The following SAMMSON variants were observed in gnomAD, a reference collection of about 807,000 sequenced individuals.
SAMMSON encodes survival associated mitochondrial melanoma specific oncogenic non-coding RNA, also known as long intergenic non-protein coding RNA 1212.
intron 4 of SAMMSON, among the ~76,000 whole-genome samples, chr3:70,223,230 G>T (rs550389077): frequency 6.6e-6 from 1 of 152,104 alleles, no homozygotes; most frequent in South Asian, 2.1e-4. Context: ...GCTCTTATTT[G>T]TGAGCCACAA....
At chr3:70,395,661 G>A (rs1701086649) in intron 2 of SAMMSON, among the ~76,000 whole-genome samples, 1 of 152,076 alleles carries the variant, frequency 6.6e-6, no homozygotes, top group Non-Finnish European at 1.5e-5. Context: ...GCTACTGGTT[G>A]GGGAAGAATA....
chr3:70,088,601 G>A (rs1469173627), intron 4 of SAMMSON, among the ~76,000 whole-genome samples: 1 of 152,200 alleles, frequency 6.6e-6, no homozygotes, highest in Non-Finnish European at 1.5e-5. Context: ...TAGAGAAGGT[G>A]AGACGGTAGC....
intron 7 of SAMMSON, among the ~76,000 whole-genome samples, chr3:70,347,256 T>TGCAAAGC (rs1191447497): frequency 6.6e-6 from 1 of 152,242 alleles, no homozygotes; most frequent in African/African-American, 2.4e-5. Context: ...AGGTTAGATT[T>TGCAAAGC]TATTTAAGCA....
chr3:70,101,063 T>A (rs1486591992), intron 4 of SAMMSON, among the ~76,000 whole-genome samples: 1 of 152,196 alleles, frequency 6.6e-6, no homozygotes, highest in Admixed American at 6.5e-5. Flanking sequence ...ATCTGGTGGA[T>A]TATTATGGTT....
intron 9 of SAMMSON, among the ~76,000 whole-genome samples, chr3:70,371,979 A>C (rs942988472): frequency 1.3e-5 from 2 of 152,080 alleles, no homozygotes; most frequent in Admixed American, 1.3e-4. Flanking sequence ...TTTGTCATTT[A>C]TGGCCTTTAT....
intron 6 of SAMMSON, among the ~76,000 whole-genome samples, chr3:70,284,616 G>A (rs116291412): frequency 6.6e-6 from 1 of 152,074 alleles, no homozygotes; most frequent in Admixed American, 6.6e-5. Flanking sequence ...TGGAGCCAGA[G>A]GACATCTTCC....
intron 9 of SAMMSON, among the ~76,000 whole-genome samples, chr3:70,365,885 G>T (rs937072179): frequency 3.4e-5 from 5 of 148,644 alleles, no homozygotes; most frequent in Non-Finnish European, 7.4e-5. Flanking sequence ...GTGCTGTAAA[G>T]TTCTATGGGT....
At chr3:70,377,616 A>C (rs1293787160) in intron 9 of SAMMSON, among the ~76,000 whole-genome samples, 1 of 152,162 alleles carries the variant, frequency 6.6e-6, no homozygotes, top group Admixed American at 6.5e-5. Context: ...ACTCAGAGCC[A>C]TAAAAGAAAA....
At chr3:70,365,288 C>A (rs1702912045) in intron 9 of SAMMSON, among the ~76,000 whole-genome samples, 1 of 151,386 alleles carries the variant, frequency 6.6e-6, no homozygotes, top group Admixed American at 6.6e-5. Context: ...ACTAGTATTT[C>A]TCATTGCCAT....
chr3:70,178,056 C>G (rs1243110443), intron 4 of SAMMSON, among the ~76,000 whole-genome samples: 1 of 152,140 alleles, frequency 6.6e-6, no homozygotes, highest in Non-Finnish European at 1.5e-5. Context: ...CAAGATGAAC[C>G]AGTTGGCCGT....
intron 7 of SAMMSON, among the ~76,000 whole-genome samples, chr3:70,310,508 G>A (rs1215443697): frequency 5.3e-5 from 8 of 151,922 alleles, no homozygotes; most frequent in Non-Finnish European, 1.2e-4. Flanking sequence ...TGGGACTACA[G>A]GGGTGTGCCA....
At chr3:70,070,823 T>C (rs1182443446) in intron 3 of SAMMSON, among the ~76,000 whole-genome samples, 4 of 152,078 alleles carry the variant, frequency 2.6e-5, no homozygotes, top group Non-Finnish European at 5.9e-5. Flanking sequence ...TGGGAAACTG[T>C]CTATTGCCAT....
chr3:70,028,176 TTCCTTC>T (rs1559776256), intron 3 of SAMMSON, among the ~76,000 whole-genome samples: 1,498 of 147,678 alleles, frequency 0.01, 10 homozygotes, highest in East Asian at 0.032. Context: ...CCTTCCTTCC[TTCCTTC>T]CTTCCTTTCT....
At chr3:70,373,527 G>A (rs1227718274) in intron 9 of SAMMSON, among the ~76,000 whole-genome samples, 1 of 152,060 alleles carries the variant, frequency 6.6e-6, no homozygotes, top group East Asian at 1.9e-4. Flanking sequence ...ACATTGAGAA[G>A]TTGAATCATT....
intron 4 of SAMMSON, among the ~76,000 whole-genome samples, chr3:70,144,470 A>C (rs948538814): frequency 6.6e-6 from 1 of 152,130 alleles, no homozygotes; most frequent in Non-Finnish European, 1.5e-5. Context: ...TCCCAAGTCC[A>C]TTCATTAGAA....
At chr3:70,196,529 T>C (rs1261620130) in intron 4 of SAMMSON, among the ~76,000 whole-genome samples, 2 of 152,220 alleles carry the variant, frequency 1.3e-5, no homozygotes, top group African/African-American at 4.8e-5. Context: ...CGAGCTAATG[T>C]ATGTCAATTC....
chr3:70,426,019 A>G (rs1701363364), intron 2 of SAMMSON, among the ~76,000 whole-genome samples: 1 of 152,216 alleles, frequency 6.6e-6, no homozygotes, highest in Non-Finnish European at 1.5e-5. Flanking sequence ...AACAGAAGCA[A>G]TATTGATTGG....
intron 4 of SAMMSON, among the ~76,000 whole-genome samples, chr3:70,192,766 T>C (rs144140254): frequency 1.3e-5 from 2 of 152,368 alleles, no homozygotes; most frequent in African/African-American, 4.8e-5. Context: ...ATTTGGGACA[T>C]GCTTGCTTGT....
At chr3:70,170,993 A>G (rs1234763263) in intron 4 of SAMMSON, among the ~76,000 whole-genome samples, 1 of 151,854 alleles carries the variant, frequency 6.6e-6, no homozygotes, top group Non-Finnish European at 1.5e-5. Flanking sequence ...AATGAAGCAA[A>G]TTCAGCTTCT....
Sources: allele counts gnomAD v4.1 joint callset (sites outside exome capture counted in the v4.1 genomes callset), GRCh38; gene constraint gnomAD v4.1.1; transcripts MANE v1.5; gene names NCBI Gene and HGNC (gene_info 2026-07-23, HGNC 2026-07-21).